Variants in EYS observed in about 807,000 individuals in gnomAD.
EYS encodes the protein EGF-like photoreceptor maintenance factor.
A neutral mutation model predicts 282.1 loss-of-function variants in EYS; 250 were observed. The ratio of observed to expected loss-of-function variants is 0.89; its 90% CI spans 0.80 to 0.98. The LOEUF is 0.98. EYS is among the 50% of genes least tolerant of loss of function. EYS has a pLI of 0.00. For synonymous variants in EYS, 1,355 were observed against 1,282.9 expected (o/e 1.06, Z -1.20); for missense variants, 4,016 against 3,709.0 (o/e 1.08, Z -2.15).
intron 31 of EYS, among the ~76,000 whole-genome samples, chr6:64,196,950 C>T (rs920469761): frequency 2.0e-5 from 3 of 151,022 alleles, no homozygotes; most frequent in Admixed American, 6.6e-5. Context: ...TTGTATTTTT[C>T]GTGGCTCCTG....
chr6:64,583,679 C>T (rs1766143912), intron 26 of EYS, among the ~76,000 whole-genome samples: 1 of 151,960 alleles, frequency 6.6e-6, no homozygotes, highest in Admixed American at 6.6e-5. Context: ...CCTGTTATCC[C>T]AGCTACTCAG....
intron 35 of EYS, among the ~76,000 whole-genome samples, chr6:63,890,271 C>G (rs765661250): frequency 2.4e-4 from 37 of 152,184 alleles, no homozygotes; most frequent in Non-Finnish European, 3.5e-4. Context: ...ACAGAACTCT[C>G]CACCCTAAAT....
chr6:63,952,576 C>G (rs1161948896), intron 35 of EYS, among the ~76,000 whole-genome samples: 1 of 152,310 alleles, frequency 6.6e-6, no homozygotes, highest in African/African-American at 2.4e-5. Context: ...CTGGTGCCAA[C>G]TTGGACAACA....
chr6:65,016,375 T>C (rs1331690873), intron 13 of EYS, among the ~76,000 whole-genome samples: 3 of 152,226 alleles, frequency 2.0e-5, no homozygotes, highest in Non-Finnish European at 2.9e-5. Flanking sequence ...TAAGTGGATA[T>C]AGATGTTTAC....
At chr6:64,600,645 A>G (rs1275939297) in intron 24 of EYS, among the ~76,000 whole-genome samples, 3 of 152,048 alleles carry the variant, frequency 2.0e-5, no homozygotes, top group African/African-American at 4.8e-5. Context: ...ATTGATTTGT[A>G]TGTCTTTTCC....
At position 65,180,781 on chromosome 6, in the gene EYS, G is replaced by T. The variant is rs1448064221; in HGVS notation, c.2023+115082C>A. ...CTAAGCCAAAAGAACAAAGCTGGAG[G>T]CATCACCCTACCTGACTTCAAACTA... On this transcript the variant is annotated intron_variant, in intron 12 of 42. Coordinates refer to ENST00000503581, the MANE Select transcript of EYS (RefSeq NM_001142800.2). Among the ~76,000 whole-genome samples the T allele has an allele frequency of 3.3e-5, 5 of 152,228 alleles. No individual in the cohort carries two copies. In the East Asian group the frequency reaches 7.8e-4, roughly 24 times the overall value.
intron 22 of EYS, among the ~76,000 whole-genome samples, chr6:64,744,372 T>C (rs1772481518): frequency 6.6e-6 from 1 of 152,168 alleles, no homozygotes; most frequent in Admixed American, 6.5e-5. Context: ...TCTAAGCCAA[T>C]ACGGAATCTC....
Position 65,494,676 on chromosome 6 carries a change from G to A in EYS, c.735C>T (p.His245=). 6.4e-7 allele frequency: 1 copy of A among 1,567,534 alleles called. No individual in the cohort carries two copies. Among genetic ancestry groups the A allele is most frequent in the Non-Finnish European group, 8.7e-7 (1 of 1,154,378 alleles). Residue 245 remains histidine, a synonymous_variant, in exon 4 of 43, where the codon CAC becomes CAT. Transcript: ENST00000503581. ...WDEQAYECVC[H]PPFTGKNCSE... ...AAACAATCTTACCTGTAAATGGTGG[G>A]TGACAGACACATTCATATGCTTGCT... is the stretch of plus-strand genomic sequence containing the variant.
intron 29 of EYS, among the ~76,000 whole-genome samples, chr6:64,326,076 A>C (rs937359566): frequency 6.6e-6 from 1 of 152,214 alleles, no homozygotes; most frequent in African/African-American, 2.4e-5. Context: ...AATTCATCAT[A>C]AAAAGCTCAT....
intron 13 of EYS, among the ~76,000 whole-genome samples, chr6:65,048,906 C>A (rs1035482540): frequency 4.0e-5 from 6 of 151,806 alleles, no homozygotes; most frequent in African/African-American, 9.7e-5. Flanking sequence ...TGTTTCCATA[C>A]CTCTACAATA....
chr6:63,955,140 C>T (rs1765761678), intron 35 of EYS, among the ~76,000 whole-genome samples: 1 of 152,078 alleles, frequency 6.6e-6, no homozygotes, highest in South Asian at 2.1e-4. Flanking sequence ...AAGGCCAGCA[C>T]AGTCATTTCT....
At chr6:64,440,362 A>C (rs1245545308) in intron 26 of EYS, among the ~76,000 whole-genome samples, 7 of 152,016 alleles carry the variant, frequency 4.6e-5, no homozygotes, top group Non-Finnish European at 1.0e-4. Context: ...ACAATTTCTA[A>C]ATAAATAACC....
chr6:64,352,671 G>A (rs1351614911), intron 29 of EYS, among the ~76,000 whole-genome samples: 1 of 151,414 alleles, frequency 6.6e-6, no homozygotes, highest in Non-Finnish European at 1.5e-5. Context: ...AAATACATGG[G>A]ATGGAAAAAT....
chr6:64,649,744 A>C (rs570173478), intron 22 of EYS, among the ~76,000 whole-genome samples: 4 of 152,300 alleles, frequency 2.6e-5, no homozygotes, highest in African/African-American at 4.8e-5. Flanking sequence ...AGACATGACA[A>C]ATCAATGTCC....
intron 12 of EYS, among the ~76,000 whole-genome samples, chr6:65,194,219 GT>G (rs1364259187): frequency 6.6e-6 from 1 of 151,706 alleles, no homozygotes; most frequent in East Asian, 1.9e-4. Context: ...TTCAATAGGA[GT>G]TTTTAAAAAA....
At chr6:64,421,059 T>C (rs1774215500) in intron 28 of EYS, among the ~76,000 whole-genome samples, 3 of 152,190 alleles carry the variant, frequency 2.0e-5, no homozygotes, top group Admixed American at 2.0e-4. Context: ...ACTGTATTAG[T>C]CCATTCTCAC....
chr6:65,445,178 G>A lies in EYS; in HGVS notation c.863-39811C>T, dbSNP rs558871391. On this transcript the variant is annotated intron_variant, in intron 5 of 42. Transcript: ENST00000503581. ...TTTTATGGTTATTTAAGTGTTCCTA[G>A]TATGACAAGCCAAAGGTCTAGGTTC... Among the ~76,000 whole-genome samples the A allele has an allele frequency of 2.0e-5, 3 of 151,684 alleles. No individual in the cohort carries two copies. The South Asian group carries it at 6.2e-4, about 31-fold the overall frequency.
intron 9 of EYS, among the ~76,000 whole-genome samples, chr6:65,349,758 T>A (rs2150324337): frequency 6.6e-6 from 1 of 151,522 alleles, no homozygotes; most frequent in East Asian, 1.9e-4. Context: ...AGTGTGTAAA[T>A]CACTAATACA....
intron 39 of EYS, among the ~76,000 whole-genome samples, chr6:63,779,873 T>G (rs1256340580): frequency 6.6e-6 from 1 of 152,058 alleles, no homozygotes; most frequent in Non-Finnish European, 1.5e-5. Context: ...CATTAGGTAT[T>G]CCTCCTGATG....
Sources: allele counts gnomAD v4.1 joint callset (sites outside exome capture counted in the v4.1 genomes callset), GRCh38; gene constraint gnomAD v4.1.1; transcripts MANE v1.5; gene names NCBI Gene and HGNC (gene_info 2026-07-23, HGNC 2026-07-21).